SPECC1: variants seen among roughly 807,000 people sequenced by gnomAD.
The protein encoded by SPECC1 is sperm antigen with calponin homology and coiled-coil domains 1, also known as cytospin-B.
SPECC1 carries 62 observed loss-of-function variants against 104.1 expected under a neutral mutation model. That is an observed-to-expected ratio of 0.60 (90% CI 0.49 to 0.74). The LOEUF is 0.74. Ranked by LOEUF, SPECC1 falls within the 30% of genes least tolerant of loss-of-function variation. SPECC1 has a pLI of 0.00. For synonymous variants in SPECC1, 513 were observed against 501.6 expected, an observed-to-expected ratio of 1.02 and a Z score of -0.30; for missense variants, 1,306 against 1,310.5, an observed-to-expected ratio of 1.00 and a Z score of 0.05.
chr17:20,251,912 G>A (rs2039647754), intron 9 of SPECC1, among the ~76,000 whole-genome samples: 1 of 152,152 alleles, frequency 6.6e-6, no homozygotes, highest in African/African-American at 2.4e-5. Context: ...TCACAGGTGG[G>A]TGGTGCCATC....
chr17:20,149,564 A>C (rs962554892), intron 3 of SPECC1, among the ~76,000 whole-genome samples: 1 of 152,212 alleles, frequency 6.6e-6, no homozygotes, highest in Non-Finnish European at 1.5e-5. Context: ...ACCCTGAATG[A>C]CTACACTGGG....
chr17:20,160,326 C>T (rs374377305), intron 3 of SPECC1, among the ~76,000 whole-genome samples: 2 of 152,202 alleles, frequency 1.3e-5, no homozygotes, highest in East Asian at 1.9e-4. Flanking sequence ...CCTGAATCTG[C>T]CAGCAGTCGG....
At chr17:20,121,708 T>C (rs967480932) in intron 3 of SPECC1, among the ~76,000 whole-genome samples, 9 of 152,184 alleles carry the variant, frequency 5.9e-5, no homozygotes, top group African/African-American at 2.2e-4. Flanking sequence ...GTGTGGCTTT[T>C]AGAGAATGAG....
chr17:20,133,541 C>T (rs763052113), intron 3 of SPECC1, among the ~76,000 whole-genome samples: 3 of 151,232 alleles, frequency 2.0e-5, no homozygotes, highest in Non-Finnish European at 2.9e-5. Context: ...TTCAAAATCA[C>T]ACTTGACTCA....
At chr17:20,013,941 C>T (rs1196680489) in intron 1 of SPECC1, among the ~76,000 whole-genome samples, 1 of 152,120 alleles carries the variant, frequency 6.6e-6, no homozygotes, top group East Asian at 1.9e-4. Flanking sequence ...CTCTAGTACA[C>T]GTCTTTTGTT....
intron 11 of SPECC1, 65 bp downstream of exon 11, chr17:20,257,672 C>G (rs2039883583): frequency 6.3e-7 from 1 of 1,579,734 alleles, no homozygotes; most frequent in East Asian, 2.2e-5. Flanking sequence ...ATTCTTCCTT[C>G]CGTTTTGTCC....
intron 1 of SPECC1, among the ~76,000 whole-genome samples, chr17:20,053,283 C>T (rs1370815210): frequency 6.6e-6 from 1 of 152,198 alleles, no homozygotes; most frequent in African/African-American, 2.4e-5. Flanking sequence ...CTGTGATCTT[C>T]CTCTATTCTT....
intron 1 of SPECC1, among the ~76,000 whole-genome samples, chr17:20,062,749 T>TG (rs2046231225): frequency 6.6e-6 from 1 of 151,628 alleles, no homozygotes; most frequent in Non-Finnish European, 1.5e-5. Flanking sequence ...AGTGCACTGG[T>TG]GGGATCTCGG....
intron 3 of SPECC1, among the ~76,000 whole-genome samples, chr17:20,163,734 T>G (rs1235883422): frequency 6.6e-6 from 1 of 152,116 alleles, no homozygotes; most frequent in Non-Finnish European, 1.5e-5. Flanking sequence ...CTAATTTTTG[T>G]GTTTTTTATA....
chr17:20,270,254 TA>T (rs1275811481), intron 12 of SPECC1, among the ~76,000 whole-genome samples: 1 of 151,842 alleles, frequency 6.6e-6, no homozygotes, highest in African/African-American at 2.4e-5. Flanking sequence ...TAAACTGGTT[TA>T]AAATGGTGAA....
intron 1 of SPECC1, chr17:20,095,998 G>A (rs535461966): frequency 1.3e-5 from 2 of 152,378 alleles, no homozygotes; most frequent in Admixed American, 1.3e-4. Flanking sequence ...CCACATCTCT[G>A]TGTGGATTTT....
At chr17:20,242,869 TG>T (rs2039266629) in intron 7 of SPECC1, among the ~76,000 whole-genome samples, 1 of 152,232 alleles carries the variant, frequency 6.6e-6, no homozygotes, top group Non-Finnish European at 1.5e-5. Context: ...GCATATACAG[TG>T]GAGTTATACA....
chr17:20,177,411 A>C (rs191043043), intron 3 of SPECC1, among the ~76,000 whole-genome samples: 1 of 152,310 alleles, frequency 6.6e-6, no homozygotes, highest in Admixed American at 6.5e-5. Flanking sequence ...AAATGAAGAA[A>C]CCAAATAAAT....
chr17:20,234,768 C>T (rs924602790), intron 7 of SPECC1, among the ~76,000 whole-genome samples: 1 of 152,212 alleles, frequency 6.6e-6, no homozygotes, highest in Non-Finnish European at 1.5e-5. Flanking sequence ...TGGGCACTCA[C>T]AGGGTTGGTT....
intron 12 of SPECC1, among the ~76,000 whole-genome samples, chr17:20,295,143 T>C (rs1413015318): frequency 1.3e-5 from 2 of 151,022 alleles, no homozygotes; most frequent in Non-Finnish European, 3.0e-5. Flanking sequence ...TTACATTAGG[T>C]ATATCTCCTA....
At chr17:20,017,951 C>T (rs112436614) in intron 1 of SPECC1, 2,365 of 152,400 alleles carry the variant, frequency 0.016, 25 homozygotes, top group Non-Finnish European at 0.024. Flanking sequence ...TGTTCATCTT[C>T]GAAGTTTGAG....
chr17:20,232,488 T>A, intron 7 of SPECC1, 83 bp downstream of exon 7: 1 of 1,436,434 alleles, frequency 7.0e-7, no homozygotes, highest in Non-Finnish European at 9.3e-7. Flanking sequence ...ACTCTTCATG[T>A]CTGTGCCAGG....
intron 4 of SPECC1, among the ~76,000 whole-genome samples, chr17:20,222,831 G>A (rs2037968142): frequency 1.3e-5 from 2 of 152,184 alleles, no homozygotes; most frequent in East Asian, 1.9e-4. Context: ...GTTTGTCTGG[G>A]AAAGTCTCTA....
At chr17:20,187,434 A>T (rs2035356887) in intron 3 of SPECC1, among the ~76,000 whole-genome samples, 1 of 152,134 alleles carries the variant, frequency 6.6e-6, no homozygotes, top group African/African-American at 2.4e-5. Context: ...CCTGGGAGAG[A>T]GTCCCCGCTC....
Sources: allele counts gnomAD v4.1 joint callset (sites outside exome capture counted in the v4.1 genomes callset), GRCh38; gene constraint gnomAD v4.1.1; transcripts MANE v1.5; gene names NCBI Gene and HGNC (gene_info 2026-07-23, HGNC 2026-07-21).